Variants in PDE3B observed in about 807,000 individuals in gnomAD.
The protein encoded by PDE3B is cGMP-inhibited 3',5'-cyclic phosphodiesterase 3B.
PDE3B carries 66 observed loss-of-function variants against 116.8 expected under a neutral mutation model. That is an observed-to-expected ratio of 0.56 (90% CI 0.46 to 0.69). PDE3B has a LOEUF of 0.69. Ranked by LOEUF, PDE3B falls within the 30% of genes least tolerant of loss-of-function variation. The probability of loss-of-function intolerance (pLI) is 0.00; values close to 1 mark genes in which losing one functional copy is unlikely to be tolerated. For synonymous variants in PDE3B, 595 were observed against 533.6 expected, an observed-to-expected ratio of 1.12 and a Z score of -1.59; for missense variants, 1,384 against 1,368.1, an observed-to-expected ratio of 1.01 and a Z score of -0.18.
chr11:14,828,343 T>G (rs1031719772), intron 7 of PDE3B, among the ~76,000 whole-genome samples: 1 of 152,172 alleles, frequency 6.6e-6, no homozygotes, highest in Admixed American at 6.5e-5. Flanking sequence ...ACTAAAGAGC[T>G]TCTGCACAGC....
At position 14,831,723 on chromosome 11, in the gene PDE3B, A is replaced by G. The variant is rs1233762970; in HGVS notation, c.2040A>G (p.Pro680=). 1 of 1,606,482 alleles carries G rather than the reference A, an allele frequency of 6.2e-7. No homozygotes were observed. The highest frequency in any genetic ancestry group is 8.5e-7 in the Non-Finnish European group (1 of 1,174,962). Reference sequence around the variant, plus strand: ...AAAAGATGAGCAACTGGAATTTTCCAATTTTTGAACTTGTAGAAAAGATGG... The same window carrying G: ...AAAAGATGAGCAACTGGAATTTTCCGATTTTTGAACTTGTAGAAAAGATGG... ...LIEKMSNWNF[P]IFELVEKMGE... is the part of the protein sequence containing the mutation. The change falls in exon 9 of 16, where the codon CCA becomes CCG. Residue 680 remains proline (P), a synonymous_variant. Transcript: ENST00000282096.
intron 1 of PDE3B, among the ~76,000 whole-genome samples, chr11:14,661,103 C>T (rs1160367105): frequency 6.6e-6 from 1 of 152,214 alleles, no homozygotes; most frequent in African/African-American, 2.4e-5. Flanking sequence ...TTGTAGAAGA[C>T]AGTGTGACGA....
At position 14,831,908 on chromosome 11, in the gene PDE3B, AAAAT is replaced by A. The variant is rs1255889643; in HGVS notation, c.2094+137_2094+140del. 31 of 550,566 alleles carry A rather than the reference AAAAT, an allele frequency of 5.6e-5. No individual in the cohort carries two copies. The East Asian group carries it at 9.0e-4, about 16-fold the overall frequency. The allele number at this position is 550,566 out of a possible 1,614,324, so 34.1% of individuals were successfully genotyped here. On this transcript the variant is annotated intron_variant, in intron 9 of 15. Coordinates refer to ENST00000282096, the MANE Select transcript of PDE3B (RefSeq NM_000922.4). ...CATTGTTCATTATTTTTTTCAGAAA[AAAAT>A]AAATATATACATAAAACAATTATAT...
intron 2 of PDE3B, among the ~76,000 whole-genome samples, chr11:14,777,225 G>A (rs1185621046): frequency 6.6e-6 from 1 of 152,034 alleles, no homozygotes; most frequent in Non-Finnish European, 1.5e-5. Flanking sequence ...AGAGGAAACA[G>A]AAACAAAATC....
downstream of PDE3B, among the ~76,000 whole-genome samples, chr11:14,874,062 C>T (rs555459114): frequency 6.6e-6 from 1 of 152,168 alleles, no homozygotes; most frequent in Non-Finnish European, 1.5e-5. Context: ...GTAATTTATG[C>T]TTTATGAAAG....
At chr11:14,851,954 A>C (rs2133983292) in intron 12 of PDE3B, among the ~76,000 whole-genome samples, 1 of 152,332 alleles carries the variant, frequency 6.6e-6, no homozygotes. Context: ...AGGAGGTAAC[A>C]TATGGAAGGT....
At chr11:14,881,776 A>G in the PDE3B span, among the ~76,000 whole-genome samples, 1 of 152,090 alleles carries the variant, frequency 6.6e-6, no homozygotes, top group Non-Finnish European at 1.5e-5. Flanking sequence ...TGTGAGCTTC[A>G]GTAGAAGCAG....
intron 1 of PDE3B, among the ~76,000 whole-genome samples, chr11:14,661,623 C>T (rs1055317035): frequency 1.1e-4 from 16 of 152,258 alleles, no homozygotes; most frequent in South Asian, 4.1e-4. Context: ...GCTTTTCCGA[C>T]GGGCTTAAAA....
chr11:14,823,286 T>C (rs963985815), intron 7 of PDE3B, among the ~76,000 whole-genome samples: 1 of 152,132 alleles, frequency 6.6e-6, no homozygotes, highest in African/African-American at 2.4e-5. Flanking sequence ...TCCCAGATCT[T>C]ATTTCTTTTC....
At chr11:14,706,053 T>C (rs1026938553) in intron 1 of PDE3B, among the ~76,000 whole-genome samples, 19 of 151,854 alleles carry the variant, frequency 1.3e-4, no homozygotes, top group African/African-American at 4.6e-4. Flanking sequence ...GCAATGGCCA[T>C]GTTGTTAGAC....
At chr11:14,853,351 A>G (rs1333991731) in intron 12 of PDE3B, among the ~76,000 whole-genome samples, 9 of 152,198 alleles carry the variant, frequency 5.9e-5, no homozygotes, top group Non-Finnish European at 1.2e-4. Context: ...CATAATACCT[A>G]GAATAGTGCT....
At chr11:14,783,354 C>T (rs1336116298) in intron 2 of PDE3B, among the ~76,000 whole-genome samples, 1 of 152,162 alleles carries the variant, frequency 6.6e-6, no homozygotes, top group East Asian at 1.9e-4. Context: ...GACTTGGAAC[C>T]AACCCAGATG....
intron 1 of PDE3B, among the ~76,000 whole-genome samples, chr11:14,721,881 T>C (rs1856107886): frequency 8.0e-6 from 1 of 124,818 alleles, no homozygotes; most frequent in Admixed American, 8.3e-5. Flanking sequence ...CATATGTAAC[T>C]AACCTGCGCA....
chr11:14,809,819 G>A (rs571666125), intron 5 of PDE3B, among the ~76,000 whole-genome samples: 71 of 152,204 alleles, frequency 4.7e-4, no homozygotes, highest in African/African-American at 1.7e-3. Context: ...TGGCACCTTG[G>A]TCTTGGACTT....
At chr11:14,843,024 A>T (rs1285058692) in intron 11 of PDE3B, among the ~76,000 whole-genome samples, 1 of 152,180 alleles carries the variant, frequency 6.6e-6, no homozygotes, top group African/African-American at 2.4e-5. Flanking sequence ...CTGTGGTTTT[A>T]TGTGTCTACT....
the PDE3B span, chr11:14,885,895 C>T: frequency 1.9e-6 from 3 of 1,613,436 alleles, no homozygotes; most frequent in Non-Finnish European, 2.5e-6. Context: ...AGTTGATATG[C>T]CTCCAAGATC....
intron 1 of PDE3B, among the ~76,000 whole-genome samples, chr11:14,660,344 C>T (rs1015459870): frequency 2.6e-5 from 4 of 151,378 alleles, no homozygotes; most frequent in Admixed American, 6.6e-5. Flanking sequence ...CCCTGTTGCC[C>T]AGGCTGGAGT....
intron 1 of PDE3B, among the ~76,000 whole-genome samples, chr11:14,710,950 A>G (rs1454983095): frequency 6.6e-6 from 1 of 152,228 alleles, no homozygotes; most frequent in Non-Finnish European, 1.5e-5. Flanking sequence ...AGAACTGCCT[A>G]TATTGCTTTC....
chr11:14,691,000 A>C (rs115025180), intron 1 of PDE3B, among the ~76,000 whole-genome samples: 66 of 152,318 alleles, frequency 4.3e-4, no homozygotes, highest in Non-Finnish European at 7.4e-4. Context: ...CAAATAGCAC[A>C]GAAGGAAAAA....
Sources: allele counts gnomAD v4.1 joint callset (sites outside exome capture counted in the v4.1 genomes callset), GRCh38; gene constraint gnomAD v4.1.1; transcripts MANE v1.5; gene names NCBI Gene and HGNC (gene_info 2026-07-23, HGNC 2026-07-21).